Variants in TP53I13 observed in about 807,000 individuals in gnomAD.
TP53I13 encodes the protein tumor protein p53 inducible protein 13.
TP53I13 carries 27 observed loss-of-function variants against 39.1 expected under a neutral mutation model. That is an observed-to-expected ratio of 0.69 (90% CI 0.51 to 0.95). The LOEUF is 0.95. Ranked by LOEUF, TP53I13 falls within the 40% of genes least tolerant of loss-of-function variation. The pLI is 0.00. For synonymous variants in TP53I13, 230 were observed against 224.6 expected (o/e 1.02, Z -0.22); for missense variants, 544 against 520.4 (o/e 1.05, Z -0.44).
At chr17:29,566,814 G>A (rs1256115078), upstream of TP53I13, 2 of 1,514,458 alleles carry the variant, frequency 1.3e-6, no homozygotes, top group East Asian at 2.6e-5. Flanking sequence ...GGCCTCCGCC[G>A]TCCGCCTCCT....
rs746330352 is a variant in TP53I13, at chr17:29,569,359, G to A, written c.183G>A (p.Gln61=). The change falls in exon 3 of 7, where the codon CAG becomes CAA. Residue 61 remains glutamine (Q), a splice_region_variant and synonymous_variant. Coordinates refer to ENST00000301057, the MANE Select transcript of TP53I13 (RefSeq NM_138349.4). ...RVTYTRVSPG[Q]AEDVTFLYHP... ...CCTACACACGAGTGAGCCCAGGGCA[G>A]GTGAGTACAAGCAGGGGCCCACCAC... The A allele has an allele frequency of 1.9e-6, 3 of 1,613,690 alleles. No homozygotes were observed. Among genetic ancestry groups the A allele is most frequent in the African/African-American group, 2.7e-5 (2 of 75,066 alleles).
downstream of TP53I13, chr17:29,575,047 C>G: frequency 6.5e-7 from 1 of 1,543,232 alleles, no homozygotes; most frequent in Non-Finnish European, 8.8e-7. The surrounding 1 kb of genome is among the most constrained non-coding windows in gnomAD (Gnocchi z 5.5). Flanking sequence ...TCGAGGCCCT[C>G]CCACTCCTGG....
chr17:29,581,743 C>G, the TP53I13 span: 16 of 1,608,880 alleles, frequency 9.9e-6, no homozygotes, highest in South Asian at 1.8e-4. This position sits in a 1 kb window ranked among gnomAD's most constrained non-coding sequence, Gnocchi z 4.8. Context: ...TCTGCTCACC[C>G]GGCTTGCGTC....
chr17:29,577,270 C>A, downstream of TP53I13: 4 of 1,601,554 alleles, frequency 2.5e-6, no homozygotes, highest in Non-Finnish European at 2.6e-6. Context: ...AAGGGCCAGG[C>A]TGGCTTCAGG....
chr17:29,575,843 A>G (rs2033174241), downstream of TP53I13: 1 of 1,612,694 alleles, frequency 6.2e-7, no homozygotes, highest in African/African-American at 1.3e-5. The surrounding 1 kb of genome is among the most constrained non-coding windows in gnomAD (Gnocchi z 5.5). Context: ...GGAGCAGGAC[A>G]GCAGCGGGGA....
Position 29,572,612 on chromosome 17 carries a change from G to T in TP53I13, c.984G>T (p.Thr328=), listed in dbSNP as rs377674843. ...TFLLVLLTLA[T]LCTRLHRNFR... ...TGCTGGTGCTGCTCACCCTGGCCACGCTCTGCACACGGCTGCACAGAAACT... is the reference window on the plus strand; with the variant it reads ...TGCTGGTGCTGCTCACCCTGGCCACTCTCTGCACACGGCTGCACAGAAACT... Residue 328 remains threonine (T), a synonymous_variant, in exon 6 of 7, where the codon ACG becomes ACT. Transcript: ENST00000301057. 144 of 1,590,980 alleles carry T rather than the reference G, an allele frequency of 9.1e-5. No homozygotes were observed. The African/African-American group carries it at 1.7e-3, about 19-fold the overall frequency.
At position 29,569,070 on chromosome 17, in the gene TP53I13, G is replaced by C. The variant is rs768234145; in HGVS notation, c.125G>C (p.Trp42Ser). 9 of 1,600,552 alleles carry C rather than the reference G, an allele frequency of 5.6e-6. No homozygotes were observed. Among genetic ancestry groups the C allele is most frequent in the Non-Finnish European group, 2.6e-6 (3 of 1,174,318 alleles). Residue 42 changes from tryptophan to serine, a missense_variant, in exon 2 of 7, where the codon TGG becomes TCG. Trp to Ser is a radical substitution (Grantham distance 177). Coordinates refer to ENST00000301057, the MANE Select transcript of TP53I13 (RefSeq NM_138349.4). ...GGAGCCCATTGTCCCGAGAGCCTGT[G>C]GCCTCTGCCTCCGCAGGTAGGAGCC... ...EAGAHCPESL[W>S]PLPPQVSPRV...
chr17:29,577,888 A>G, downstream of TP53I13: 1 of 637,420 alleles, frequency 1.6e-6, no homozygotes, highest in Non-Finnish European at 2.8e-6. Context: ...GGGCACGCAG[A>G]GCTAGGCCGG....
upstream of TP53I13, chr17:29,566,355 G>T (rs1555571440): frequency 6.2e-7 from 1 of 1,610,978 alleles, no homozygotes; most frequent in South Asian, 1.1e-5. Flanking sequence ...GCTGCAGCCG[G>T]GGGCTGACCA....
the TP53I13 span, chr17:29,578,423 C>T: frequency 3.3e-6 from 5 of 1,513,812 alleles, no homozygotes; most frequent in Non-Finnish European, 4.6e-6. Flanking sequence ...CTCCCAGTGC[C>T]AAGGCCAGCT....
At chr17:29,572,732 C>T (rs1337039861) in intron 6 of TP53I13, 35 bp downstream of exon 6, 2 of 1,499,042 alleles carry the variant, frequency 1.3e-6, no homozygotes, top group South Asian at 1.3e-5. Context: ...CCCGAGGCCC[C>T]CGCCCCACCT....
chr17:29,575,781 A>G (rs752572681), downstream of TP53I13: 5 of 1,605,460 alleles, frequency 3.1e-6, no homozygotes, highest in Admixed American at 8.3e-5. The surrounding 1 kb of genome is among the most constrained non-coding windows in gnomAD (Gnocchi z 5.5). Flanking sequence ...GCCCCCAGCC[A>G]CCCTGTGGGC....
chr17:29,571,490 T>C, intron 3 of TP53I13, 101 bp from the exon 4 acceptor site: 2 of 1,517,354 alleles, frequency 1.3e-6, no homozygotes, highest in Non-Finnish European at 1.8e-6. Context: ...GCCATCCAGC[T>C]ATCCTGGGAG....
At chr17:29,576,995 G>A, downstream of TP53I13, 5 of 1,603,662 alleles carry the variant, frequency 3.1e-6, no homozygotes, top group Non-Finnish European at 4.2e-6. Context: ...GCTCGAGGTT[G>A]TCTGAGGACA....
In TP53I13 at chr17:29,573,142, AATT is replaced by A; in HGVS notation, c.*222_*224del. 2.4e-6 allele frequency: 1 copy of A among 420,574 alleles called. No homozygotes were observed. The highest frequency in any genetic ancestry group is 4.2e-6 in the Non-Finnish European group (1 of 239,918). 26.1% of individuals were successfully genotyped at this position (420,574 alleles called of 1,614,324 possible). ...CTTGCCAAAACTCCGTTTCTAATTA[AATT>A]ATTTTTAGTAGACTCTGGAGTTGAG... On this transcript the variant is annotated 3_prime_UTR_variant, in exon 7 of 7. Coordinates refer to ENST00000301057, the MANE Select transcript of TP53I13 (RefSeq NM_138349.4).
chr17:29,577,599 C>A (rs2278217), downstream of TP53I13: 501,195 of 1,226,634 alleles, frequency 0.41, 108,180 homozygotes, highest in East Asian at 0.65. Flanking sequence ...GGAGGGACCG[C>A]GGGGATGAAG....
At chr17:29,577,670 G>A, downstream of TP53I13, 3 of 1,611,874 alleles carry the variant, frequency 1.9e-6, no homozygotes, top group African/African-American at 1.3e-5. Flanking sequence ...TGAGTATTCC[G>A]GGTTAACAGG....
rs746849431 is a variant in TP53I13 at position 29,568,742 on chromosome 17, G to T, written c.-17G>T. The T allele has an allele frequency of 1.3e-6, 2 of 1,554,408 alleles. No individual in the cohort carries two copies. Among genetic ancestry groups the T allele is most frequent in the Non-Finnish European group, 1.7e-6 (2 of 1,160,386 alleles). On this transcript the variant is annotated 5_prime_UTR_variant, in exon 1 of 7. Transcript: ENST00000301057. The surrounding 1 kb of genome is among the most constrained non-coding windows in gnomAD (Gnocchi z 4.5). ...GCGGAGCGGCTGGGCGGCGGGCCGG[G>T]CCCGGGGCCGCTTGGAATGGCGCCT...
chr17:29,572,965 C>T lies in TP53I13; in HGVS notation c.*41C>T. 7.4e-7 allele frequency: 1 copy of T among 1,355,502 alleles called. No homozygotes were observed. The highest frequency in any genetic ancestry group is 9.5e-7 in the Non-Finnish European group (1 of 1,056,358). 84.0% of individuals were successfully genotyped at this position (1,355,502 alleles called of 1,614,324 possible). On this transcript the variant is annotated 3_prime_UTR_variant, in exon 7 of 7. Coordinates refer to ENST00000301057, the MANE Select transcript of TP53I13 (RefSeq NM_138349.4). The stretch of plus-strand genomic sequence containing the variant: ...CACTGTGGCGTGCGGCTCCTCCCCG[C>T]GCCGCGAGGCCGCGACCTCTGCCAC...
Sources: gnomAD v4.1 joint callset for allele counts on GRCh38, gnomAD v4.1.1 for gene constraint, Gnocchi (gnomAD v3.1) non-coding constraint, MANE v1.5 for transcripts, NCBI Gene and HGNC (gene_info 2026-07-23, HGNC 2026-07-21) for gene names.